ZNF462: variants seen among roughly 807,000 people sequenced by gnomAD.
ZNF462 encodes zinc finger protein 462.
ZNF462 carries 10 observed loss-of-function variants against 201.9 expected under a neutral mutation model. That is an observed-to-expected ratio of 0.05 (90% CI 0.03 to 0.08). The LOEUF is 0.08. Ranked by LOEUF, ZNF462 falls within the 10% of genes least tolerant of loss-of-function variation. The pLI, the probability that ZNF462 is intolerant of heterozygous loss-of-function variation, is 1.00. For missense variants in ZNF462, 2,523 were observed against 3,168.3 expected, an observed-to-expected ratio of 0.80 and a Z score of 4.89; for synonymous variants, 1,227 against 1,193.3, an observed-to-expected ratio of 1.03 and a Z score of -0.58.
At chr9:106,992,818 A>C (rs1224242917) in intron 10 of ZNF462, among the ~76,000 whole-genome samples, 1 of 152,038 alleles carries the variant, frequency 6.6e-6, no homozygotes, top group African/African-American at 2.4e-5. Flanking sequence ...ATAATAGATA[A>C]ATTTTATGGT....
Position 106,974,939 on chromosome 9 carries a change from T to C in ZNF462, c.6832+666T>C, listed in dbSNP as rs746108625. 1 of 152,408 alleles carries C rather than the reference T, an allele frequency of 6.6e-6. No homozygotes were observed. The highest frequency in any genetic ancestry group is 1.5e-5 in the Non-Finnish European group (1 of 68,216). The allele number at this position is 152,408 out of a possible 1,614,324, so 9.4% of individuals were successfully genotyped here. A position where few individuals can be genotyped will look rare whatever the true frequency, so the allele number is the denominator to read the frequency against. On this transcript the variant is annotated intron_variant, in intron 9 of 12. Transcript: ENST00000277225. This position sits in a 1 kb window ranked among gnomAD's most constrained non-coding sequence, Gnocchi z 4.0. ...GTGGTTTTTCATAATGGATGCATAA[T>C]GACTGCTCAATAAATGTTGGTTCCT...
At chr9:106,955,198 C>A (rs1831520545) in intron 7 of ZNF462, among the ~76,000 whole-genome samples, 1 of 152,116 alleles carries the variant, frequency 6.6e-6, no homozygotes, top group Admixed American at 6.5e-5. Flanking sequence ...AGGTATCTAA[C>A]ATACAGGAAT....
In ZNF462 at chr9:106,972,537, A is replaced by C. The variant is rs1826677337; in HGVS notation, c.6695+265A>C. ...CTCTCAAGTAGTGTAAGATTGAAGC[A>C]AATGATTTCCTCCCATGCGTGGAGT... On this transcript the variant is annotated intron_variant, in intron 8 of 12. Transcript: ENST00000277225. This position sits in a 1 kb window ranked among gnomAD's most constrained non-coding sequence, Gnocchi z 4.8. Among the ~76,000 whole-genome samples the C allele has an allele frequency of 6.6e-6, 1 of 152,218 alleles. No individual in the cohort carries two copies. The highest frequency in any genetic ancestry group is 2.4e-5 in the African/African-American group (1 of 41,446).
rs1829959730 is a variant in ZNF462 at position 107,012,190 on chromosome 9, G to A, written c.*1160G>A. ...TGCAGCTTGTGGGCCAGACGAGGAG[G>A]TCCTCCTCACCCTTTTGTTGCCTGT... On this transcript the variant is annotated 3_prime_UTR_variant, in exon 13 of 13. Coordinates refer to ENST00000277225, the MANE Select transcript of ZNF462 (RefSeq NM_021224.6). 1 of 148,436 alleles carries A rather than the reference G, an allele frequency of 6.7e-6. No individual in the cohort carries two copies. Among genetic ancestry groups the A allele is most frequent in the Non-Finnish European group, 1.5e-5 (1 of 67,566 alleles). The allele number at this position is 148,436 out of a possible 1,614,324, so 9.2% of individuals were successfully genotyped here.
rs911636591 is a variant in ZNF462, at chr9:106,928,709, T to C, written c.4797T>C (p.Tyr1599=). 3 of 1,613,920 alleles carry C rather than the reference T, an allele frequency of 1.9e-6. No individual in the cohort carries two copies. In the Admixed American group the frequency reaches 5.0e-5, roughly 27 times the overall value. ...AACTAAAAATCCACTACGAGAAGTA[T>C]CACAATCAGCCTGAATTTGATGTCT... is the stretch of plus-strand genomic sequence containing the variant. ...LEKLKIHYEK[Y]HNQPEFDVFS... is the part of the protein sequence containing the mutation. Residue 1599 remains tyrosine (Y), a synonymous_variant, in exon 3 of 13, where the codon TAT becomes TAC. Transcript: ENST00000277225. The surrounding 1 kb of genome is among the most constrained non-coding windows in gnomAD (Gnocchi z 9.3).
intron 1 of ZNF462, among the ~76,000 whole-genome samples, chr9:106,887,836 G>A (rs1321082170): frequency 1.3e-5 from 2 of 152,140 alleles, no homozygotes; most frequent in South Asian, 2.1e-4. Flanking sequence ...AGTTTATGTA[G>A]TACATTTAGA....
chr9:106,960,947 T>C (rs1318912520), intron 7 of ZNF462, among the ~76,000 whole-genome samples: 1 of 152,074 alleles, frequency 6.6e-6, no homozygotes, highest in African/African-American at 2.4e-5. Context: ...ATGCTACATA[T>C]CTGGGATGAG....
chr9:107,003,160 A>G lies in ZNF462; in HGVS notation c.7057-134A>G. On this transcript the variant is annotated intron_variant, in intron 10 of 12. Coordinates refer to ENST00000277225, the MANE Select transcript of ZNF462 (RefSeq NM_021224.6). The surrounding 1 kb of genome is among the most constrained non-coding windows in gnomAD (Gnocchi z 4.4). The stretch of plus-strand genomic sequence containing the variant: ...GTCAAAACGAAGAAAAAGACCTCTT[A>G]GGCCCCGGAGTTGTTTGGTCCTGGT... The G allele has an allele frequency of 8.7e-7, 1 of 1,155,826 alleles. No homozygotes were observed. The highest frequency in any genetic ancestry group is 2.4e-5 in the East Asian group (1 of 40,926). The allele number at this position is 1,155,826 out of a possible 1,614,324, so 71.6% of individuals were successfully genotyped here.
chr9:106,943,653 T>A (rs1292929253), intron 7 of ZNF462, among the ~76,000 whole-genome samples: 1 of 152,196 alleles, frequency 6.6e-6, no homozygotes, highest in Non-Finnish European at 1.5e-5. Context: ...CTTATTACTC[T>A]TCCTGGTGCT....
Position 106,895,503 on chromosome 9 carries a change from A to G in ZNF462, c.-30-27851A>G, listed in dbSNP as rs1226299007. 6.6e-6 allele frequency among the ~76,000 whole-genome samples: 1 copy of G among 152,140 alleles called. No homozygotes were observed. The highest frequency in any genetic ancestry group is 2.4e-5 in the African/African-American group (1 of 41,438). ...AGGAGTCCCTCATGATGCTAGCAAA[A>G]TAATCTTGATAGGGCACAGCTTTCG... On this transcript the variant is annotated intron_variant, in intron 1 of 12. Coordinates refer to ENST00000277225, the MANE Select transcript of ZNF462 (RefSeq NM_021224.6). This position sits in a 1 kb window ranked among gnomAD's most constrained non-coding sequence, Gnocchi z 4.4.
At chr9:106,967,724 C>T (rs1279617007) in intron 7 of ZNF462, among the ~76,000 whole-genome samples, 1 of 152,174 alleles carries the variant, frequency 6.6e-6, no homozygotes, top group Non-Finnish European at 1.5e-5. Flanking sequence ...TATCAAGCAT[C>T]TAACTAAAGC....
rs1055821159 is a variant in ZNF462, at chr9:107,012,185, A to C, written c.*1155A>C. 1 of 145,566 alleles carries C rather than the reference A, an allele frequency of 6.9e-6. No individual in the cohort carries two copies. Among genetic ancestry groups the C allele is most frequent in the Admixed American group, 7.1e-5 (1 of 14,152 alleles). The allele number at this position is 145,566 out of a possible 1,614,324, so 9.0% of individuals were successfully genotyped here. On this transcript the variant is annotated 3_prime_UTR_variant, in exon 13 of 13. Coordinates refer to ENST00000277225, the MANE Select transcript of ZNF462 (RefSeq NM_021224.6). ...AGCTATGCAGCTTGTGGGCCAGACGAGGAGGTCCTCCTCACCCTTTTGTTG... is the reference window on the plus strand; with the variant it reads ...AGCTATGCAGCTTGTGGGCCAGACGCGGAGGTCCTCCTCACCCTTTTGTTG...
At chr9:106,947,337 C>G (rs1298259130) in intron 7 of ZNF462, among the ~76,000 whole-genome samples, 1 of 152,188 alleles carries the variant, frequency 6.6e-6, no homozygotes, top group Non-Finnish European at 1.5e-5. Flanking sequence ...ATGACTCGCA[C>G]AGGTCACTCA....
In ZNF462 at chr9:106,876,649, T is replaced by C. The variant is rs1827841716; in HGVS notation, c.-31+13294T>C. Among the ~76,000 whole-genome samples, 1 of 152,210 alleles carries C rather than the reference T, an allele frequency of 6.6e-6. No homozygotes were observed. Among genetic ancestry groups the C allele is most frequent in the African/African-American group, 2.4e-5 (1 of 41,446 alleles). ...TTTCCTCTTGGAAAAAGTACATTTA[T>C]ATGGTAACAACGCCTTCAACCTGAC... On this transcript the variant is annotated intron_variant, in intron 1 of 12. Coordinates refer to ENST00000277225, the MANE Select transcript of ZNF462 (RefSeq NM_021224.6). This position sits in a 1 kb window ranked among gnomAD's most constrained non-coding sequence, Gnocchi z 4.9.
chr9:106,906,697 A>G (rs1022888128), intron 1 of ZNF462, among the ~76,000 whole-genome samples: 1 of 152,246 alleles, frequency 6.6e-6, no homozygotes, highest in African/African-American at 2.4e-5. Flanking sequence ...GTACTTTATC[A>G]GTCACCCCAG....
In ZNF462 at chr9:106,927,723, T is replaced by G. The variant is rs1460042012; in HGVS notation, c.3811T>G (p.Ser1271Ala). The G allele has an allele frequency of 1.2e-6, 2 of 1,614,056 alleles. No individual in the cohort carries two copies. Among genetic ancestry groups the G allele is most frequent in the Non-Finnish European group, 1.7e-6 (2 of 1,180,012 alleles). The change falls in exon 3 of 13, where the codon TCA (serine) becomes GCA (alanine). Residue 1271 changes from serine (S) to alanine (A), a missense_variant. Physicochemically the swap from Ser to Ala is moderately conservative, Grantham distance 99 (BLOSUM62 1). This residue lies in a region of ZNF462 where 222 missense variants were observed against 271.6 expected (regional missense o/e 0.82). Transcript: ENST00000277225. ...KLRALKCRQC[S>A]YTSPYFYALR... Reference sequence around the variant, plus strand: ...CCGAGCACTCAAATGTAGGCAGTGCTCATATACCTCCCCCTACTTCTATGC... The same window carrying G: ...CCGAGCACTCAAATGTAGGCAGTGCGCATATACCTCCCCCTACTTCTATGC...
intron 7 of ZNF462, among the ~76,000 whole-genome samples, chr9:106,944,915 C>T (rs1165349622): frequency 6.6e-6 from 1 of 152,154 alleles, no homozygotes; most frequent in African/African-American, 2.4e-5. Context: ...CTACTTAATT[C>T]TGCCATTGTA....
chr9:106,953,138 C>T (rs10978683), intron 7 of ZNF462, among the ~76,000 whole-genome samples: 1,669 of 152,278 alleles, frequency 0.011, 29 homozygotes, highest in African/African-American at 0.038. Flanking sequence ...AACCAATAAT[C>T]CCAACTTCTA....
At chr9:106,973,046 A>T (rs531914286) in intron 8 of ZNF462, among the ~76,000 whole-genome samples, 3 of 152,222 alleles carry the variant, frequency 2.0e-5, no homozygotes, top group African/African-American at 7.2e-5. Context: ...TAAAGATAAT[A>T]ATAGTACCTA....
Sources: gnomAD v4.1 joint callset for allele counts (sites outside exome capture counted in the v4.1 genomes callset) on GRCh38, gnomAD v4.1.1 for gene constraint, gnomAD v4.1.1 regional missense constraint, Gnocchi (gnomAD v3.1) non-coding constraint, MANE v1.5 for transcripts, NCBI Gene and HGNC (gene_info 2026-07-23, HGNC 2026-07-21) for gene names.